CIMAP1A: variants seen among roughly 807,000 people sequenced by gnomAD.
The protein encoded by CIMAP1A is cancer/testis antigen 135.
the CIMAP1A span, chr11:197,309 CGGA>C: frequency 1.3e-6 from 2 of 1,574,688 alleles, no homozygotes; most frequent in Non-Finnish European, 1.7e-6. Flanking sequence ...CTGGCCATGA[CGGA>C]GGAGGTATGG....
the CIMAP1A span, chr11:198,457 C>A: frequency 6.8e-6 from 11 of 1,613,120 alleles, no homozygotes; most frequent in Non-Finnish European, 8.5e-6. Flanking sequence ...CCACGTCCAC[C>A]CTGCAGGCCC....
chr11:199,406 G>C, the CIMAP1A span: 22 of 1,575,102 alleles, frequency 1.4e-5, no homozygotes, highest in South Asian at 2.3e-4. Context: ...ACTGATGTGC[G>C]GGTGACCAAG....
the CIMAP1A span, chr11:198,158 C>A: frequency 4.3e-5 from 68 of 1,598,398 alleles, no homozygotes; most frequent in African/African-American, 7.4e-4. Context: ...GGCTGCATAC[C>A]CACCTGCTTG....
At chr11:197,757 T>A in the CIMAP1A span, 1 of 1,613,280 alleles carries the variant, frequency 6.2e-7, no homozygotes, top group African/African-American at 1.3e-5. Context: ...TGACTCCTGG[T>A]CCAGGTTAGT....
At chr11:197,041 A>C in the CIMAP1A span, 1 of 307,496 alleles carries the variant, frequency 3.3e-6, no homozygotes, top group African/African-American at 2.1e-5. Context: ...AGAGCCGAGA[A>C]CAGTGGTGAG....
At chr11:197,014 C>T in the CIMAP1A span, 7 of 246,588 alleles carry the variant, frequency 2.8e-5, no homozygotes, top group East Asian at 9.3e-5. Flanking sequence ...TAGGAGAAAC[C>T]GGCCCAGGGC....
At chr11:198,955 C>T in the CIMAP1A span, 1 of 1,185,914 alleles carries the variant, frequency 8.4e-7, no homozygotes, top group Non-Finnish European at 1.0e-6. Flanking sequence ...ACAGCCAGTG[C>T]AAAGCCCCTG....
At chr11:196,940 G>A in the CIMAP1A span, 577 of 173,178 alleles carry the variant, frequency 3.3e-3, 5 homozygotes, top group African/African-American at 0.013. Flanking sequence ...CCTCCCAGGC[G>A]GCCCCCTCCC....
the CIMAP1A span, chr11:200,178 A>G: frequency 1.2e-5 from 8 of 680,722 alleles, no homozygotes; most frequent in South Asian, 7.9e-5. Context: ...GTAATCAGTT[A>G]CTTTTTTTCT....
chr11:198,774 G>C, the CIMAP1A span: 1 of 1,434,488 alleles, frequency 7.0e-7, no homozygotes, highest in Admixed American at 2.9e-5. Flanking sequence ...CAACAGGCCA[G>C]AAGGGAGACG....
the CIMAP1A span, chr11:200,208 T>A: frequency 1.6e-6 from 1 of 606,742 alleles, no homozygotes; most frequent in Non-Finnish European, 2.9e-6. Flanking sequence ...TACCATTTTT[T>A]AATCTTGTTT....
the CIMAP1A span, chr11:199,812 A>C: frequency 1.4e-6 from 2 of 1,466,942 alleles, no homozygotes; most frequent in Non-Finnish European, 1.8e-6. Flanking sequence ...CTCTGTGTTC[A>C]AACCTGGGAG....
chr11:199,223 T>G, the CIMAP1A span: 2 of 1,467,296 alleles, frequency 1.4e-6, no homozygotes, highest in South Asian at 2.8e-5. Context: ...ATCTCCACAG[T>G]GTGACAGAAG....
chr11:198,749 G>A, the CIMAP1A span: 7 of 1,450,572 alleles, frequency 4.8e-6, no homozygotes, highest in Non-Finnish European at 6.3e-6. Flanking sequence ...CACTGCAGTG[G>A]TGAGGAGGGG....
the CIMAP1A span, chr11:198,860 T>A: frequency 1.5e-6 from 2 of 1,325,884 alleles, no homozygotes; most frequent in Non-Finnish European, 1.9e-6. Context: ...AGAGAGGCAA[T>A]CTTAGATAGG....
At chr11:198,234 T>C in the CIMAP1A span, 1 of 1,613,912 alleles carries the variant, frequency 6.2e-7, no homozygotes, top group African/African-American at 1.3e-5. Flanking sequence ...CAAGTACGTG[T>C]TCGACTCAGC....
At chr11:197,650 G>A in the CIMAP1A span, 4 of 1,613,520 alleles carry the variant, frequency 2.5e-6, no homozygotes, top group Non-Finnish European at 3.4e-6. Flanking sequence ...CTGCTCCCCA[G>A]GGCCCCGTTA....
the CIMAP1A span, chr11:197,483 T>C: frequency 3.8e-6 from 6 of 1,593,624 alleles, no homozygotes; most frequent in Admixed American, 1.0e-4. Context: ...GGGAAGGGCC[T>C]GGGGCTCAAT....
At chr11:199,953 A>C in the CIMAP1A span, 2 of 1,614,086 alleles carry the variant, frequency 1.2e-6, no homozygotes, top group Non-Finnish European at 1.7e-6. Flanking sequence ...GGTGACCCTG[A>C]CCAAGCCCTG....
Sources: allele counts gnomAD v4.1 joint callset, GRCh38; gene constraint gnomAD v4.1.1; transcripts MANE v1.5; gene names NCBI Gene and HGNC (gene_info 2026-07-23, HGNC 2026-07-21).